ERBB4: variants seen among roughly 807,000 people sequenced by gnomAD.
ERBB4 encodes erb-b2 receptor tyrosine kinase 4.
ERBB4 carries 42 observed loss-of-function variants against 158.0 expected under a neutral mutation model. That is an observed-to-expected ratio of 0.27 (90% confidence interval 0.21 to 0.34). The LOEUF (loss-of-function observed/expected upper bound fraction) is 0.34, where lower values mean the gene tolerates loss of function less well. Among genes scored for constraint, ERBB4 ranks in the 10% least tolerant of loss-of-function variants. ERBB4 has a pLI of 1.00. For synonymous variants in ERBB4, 583 were observed against 558.7 expected (o/e 1.04, Z -0.61); for missense variants, 1,333 against 1,624.1 (o/e 0.82, Z 3.08).
At chr2:211,806,086 A>T (rs986388809) in intron 3 of ERBB4, among the ~76,000 whole-genome samples, 3 of 152,144 alleles carry the variant, frequency 2.0e-5, no homozygotes, top group Non-Finnish European at 2.9e-5. Flanking sequence ...CTTAAGTTTA[A>T]TCGAGCCAAA....
intron 3 of ERBB4, among the ~76,000 whole-genome samples, chr2:211,876,534 T>A (rs369440906): frequency 2.0e-5 from 3 of 152,208 alleles, no homozygotes; most frequent in African/African-American, 7.2e-5. Flanking sequence ...GTTTTCTGGA[T>A]AAATCATAGA....
At chr2:211,924,508 T>C (rs2079962517) in intron 3 of ERBB4, among the ~76,000 whole-genome samples, 1 of 152,166 alleles carries the variant, frequency 6.6e-6, no homozygotes, top group Non-Finnish European at 1.5e-5. Context: ...GATAAGTTAT[T>C]TGAATAATCT....
At chr2:212,044,769 C>T (rs2077219112) in intron 2 of ERBB4, among the ~76,000 whole-genome samples, 1 of 152,160 alleles carries the variant, frequency 6.6e-6, no homozygotes, top group Non-Finnish European at 1.5e-5. Context: ...TTCAGGGAAT[C>T]TTTTATGTCC....
At chr2:212,322,479 G>A (rs565761248) in intron 1 of ERBB4, among the ~76,000 whole-genome samples, 27 of 150,478 alleles carry the variant, frequency 1.8e-4, no homozygotes, top group Non-Finnish European at 2.2e-4. Flanking sequence ...ATTACTAAAT[G>A]TCTTCTAGAA....
chr2:211,481,933 A>T (rs1217677008), intron 20 of ERBB4, among the ~76,000 whole-genome samples: 1 of 152,204 alleles, frequency 6.6e-6, no homozygotes, highest in Non-Finnish European at 1.5e-5. Flanking sequence ...ATATCAGGCA[A>T]TGAAGAATGT....
At chr2:212,273,683 T>C (rs1399966859) in intron 1 of ERBB4, among the ~76,000 whole-genome samples, 1 of 151,838 alleles carries the variant, frequency 6.6e-6, no homozygotes, top group Non-Finnish European at 1.5e-5. Context: ...GTGTCAGAGG[T>C]AAAGTATTAT....
intron 2 of ERBB4, among the ~76,000 whole-genome samples, chr2:212,116,045 T>C (rs73987234): frequency 0.022 from 3,331 of 152,212 alleles, 129 homozygotes; most frequent in African/African-American, 0.076. Context: ...TTATTTATTA[T>C]TATTGAAATA....
chr2:212,084,097 C>A (rs2078529965), intron 2 of ERBB4, among the ~76,000 whole-genome samples: 1 of 151,854 alleles, frequency 6.6e-6, no homozygotes, highest in African/African-American at 2.4e-5. Context: ...ACCCATGGCA[C>A]AATGCTCCCT....
At chr2:211,727,564 G>C (rs1046278542) in intron 5 of ERBB4, among the ~76,000 whole-genome samples, 3 of 151,946 alleles carry the variant, frequency 2.0e-5, no homozygotes, top group African/African-American at 4.8e-5. Flanking sequence ...AAGGTGTATA[G>C]AGTTAAAGAG....
Position 211,519,968 on chromosome 2 carries a change from C to T in ERBB4, c.2487+41935G>A, listed in dbSNP as rs188552632. 2.5e-4 allele frequency among the ~76,000 whole-genome samples: 38 copies of T among 152,252 alleles called. No individual in the cohort carries two copies. The East Asian group carries it at 6.7e-3, about 27-fold the overall frequency. ...GAATAAAAATGATTTTCCAAAGGCC[C>T]TTATCTATCAGTGATACCTCTTCCA... On this transcript the variant is annotated intron_variant, in intron 20 of 27. Transcript: ENST00000342788.
At chr2:212,446,493 T>C (rs1241237079) in intron 1 of ERBB4, among the ~76,000 whole-genome samples, 3 of 146,382 alleles carry the variant, frequency 2.0e-5, no homozygotes, top group African/African-American at 7.6e-5. Flanking sequence ...GTTTTGGGAC[T>C]CAGAATGGCT....
chr2:211,828,140 T>G (rs918496535), intron 3 of ERBB4, among the ~76,000 whole-genome samples: 2 of 152,056 alleles, frequency 1.3e-5, no homozygotes, highest in Non-Finnish European at 2.9e-5. Flanking sequence ...CTGAACAGAG[T>G]CTTAGTCATA....
In ERBB4 at chr2:212,151,797, G is replaced by A. The variant is rs375034351; in HGVS notation, c.83-26894C>T. 1.4e-4 allele frequency among the ~76,000 whole-genome samples: 22 copies of A among 152,266 alleles called. No homozygotes were observed. The South Asian group carries it at 3.7e-3, about 26-fold the overall frequency. On this transcript the variant is annotated intron_variant, in intron 1 of 27. Coordinates refer to ENST00000342788, the MANE Select transcript of ERBB4 (RefSeq NM_005235.3). The stretch of plus-strand genomic sequence containing the variant: ...CCAGCTACTCAAGAGGCTGAGGCAC[G>A]AGAATCGTTTGAACCTGGGAGACGG...
chr2:212,427,818 G>A (rs921184348), intron 1 of ERBB4, among the ~76,000 whole-genome samples: 6 of 152,106 alleles, frequency 3.9e-5, no homozygotes, highest in Non-Finnish European at 8.8e-5. Context: ...GTGGGGAAAC[G>A]TGAGTGCATT....
chr2:212,488,206 G>C (rs1055146530), intron 1 of ERBB4, among the ~76,000 whole-genome samples: 1 of 151,896 alleles, frequency 6.6e-6, no homozygotes, highest in Non-Finnish European at 1.5e-5. Flanking sequence ...TTATCCCTTT[G>C]AATGTGTGAC....
intron 1 of ERBB4, among the ~76,000 whole-genome samples, chr2:212,152,892 A>G (rs1020356584): frequency 3.9e-5 from 6 of 152,162 alleles, no homozygotes; most frequent in African/African-American, 1.2e-4. Context: ...CAGAAGTAAG[A>G]GTGTGTAGTT....
intron 9 of ERBB4, among the ~76,000 whole-genome samples, chr2:211,708,640 C>T (rs13384518): frequency 0.16 from 18,470 of 114,624 alleles, 1,272 homozygotes; most frequent in Non-Finnish European, 0.2. Context: ...CTCTCTCTCT[C>T]TCTCACTATC....
At chr2:211,748,790 G>A (rs1175240093) in intron 5 of ERBB4, among the ~76,000 whole-genome samples, 1 of 152,182 alleles carries the variant, frequency 6.6e-6, no homozygotes, top group Non-Finnish European at 1.5e-5. Flanking sequence ...GAAATGACCA[G>A]TGGATATCTA....
intron 1 of ERBB4, among the ~76,000 whole-genome samples, chr2:212,314,956 A>C (rs753037118): frequency 4.6e-5 from 7 of 151,252 alleles, no homozygotes; most frequent in Admixed American, 1.3e-4. Flanking sequence ...GGGAGAATTT[A>C]AGCTAATTTA....
Sources: gnomAD v4.1 joint callset for allele counts (sites outside exome capture counted in the v4.1 genomes callset) on GRCh38, gnomAD v4.1.1 for gene constraint, MANE v1.5 for transcripts, NCBI Gene and HGNC (gene_info 2026-07-23, HGNC 2026-07-21) for gene names.